MAST4: variants seen among roughly 807,000 people sequenced by gnomAD.
The protein encoded by MAST4 is microtubule-associated serine/threonine-protein kinase 4.
MAST4 carries 89 observed loss-of-function variants against 162.7 expected under a neutral mutation model. The observed-to-expected ratio is 0.55, with a 90% CI of 0.46 to 0.65. MAST4 has a LOEUF of 0.65. Among genes scored for constraint, MAST4 ranks in the 30% least tolerant of loss-of-function variants. The probability of loss-of-function intolerance (pLI) is 0.00; values close to 1 mark genes in which losing one functional copy is unlikely to be tolerated. For missense variants in MAST4, 3,153 were observed against 3,374.0 expected, an observed-to-expected ratio of 0.93 and a Z score of 1.62; for synonymous variants, 1,479 against 1,361.1, an observed-to-expected ratio of 1.09 and a Z score of -1.91.
intron 3 of MAST4, among the ~76,000 whole-genome samples, chr5:66,844,121 C>T (rs1758625342): frequency 2.1e-5 from 3 of 145,866 alleles, no homozygotes; most frequent in South Asian, 4.3e-4. Flanking sequence ...TCATCTTTAA[C>T]AGCTGGTCCC....
At chr5:66,932,517 G>A (rs562045695) in intron 4 of MAST4, among the ~76,000 whole-genome samples, 1 of 152,274 alleles carries the variant, frequency 6.6e-6, no homozygotes, top group East Asian at 1.9e-4. Context: ...AACGATATGA[G>A]ATAAACACGT....
chr5:66,632,852 A>G (rs537450296), intron 1 of MAST4, among the ~76,000 whole-genome samples: 2 of 152,234 alleles, frequency 1.3e-5, no homozygotes, highest in Non-Finnish European at 2.9e-5. Context: ...ACATATTTGT[A>G]TAGATAAAAC....
intron 3 of MAST4, among the ~76,000 whole-genome samples, chr5:66,818,838 CTT>C (rs1350534694): frequency 2.0e-5 from 3 of 152,168 alleles, no homozygotes; most frequent in Non-Finnish European, 4.4e-5. Context: ...TTAGCTCTGC[CTT>C]TTTTACTATT....
chr5:66,655,676 C>G (rs1229300127), intron 1 of MAST4, among the ~76,000 whole-genome samples: 1 of 152,152 alleles, frequency 6.6e-6, no homozygotes, highest in African/African-American at 2.4e-5. Context: ...TAGTTTCTCT[C>G]AAGTTTACAC....
At chr5:66,803,794 G>A (rs929483015) in intron 3 of MAST4, among the ~76,000 whole-genome samples, 1 of 151,912 alleles carries the variant, frequency 6.6e-6, no homozygotes, top group African/African-American at 2.4e-5. Flanking sequence ...TCCAATCTTT[G>A]TAGCTATTCT....
At chr5:66,752,168 C>T (rs558472439) in intron 1 of MAST4, among the ~76,000 whole-genome samples, 275 of 152,166 alleles carry the variant, frequency 1.8e-3, no homozygotes, top group Non-Finnish European at 2.4e-3. Context: ...AAGGAACAAC[C>T]GGTACCAGCT....
chr5:66,657,628 C>T (rs1330574209), intron 1 of MAST4, among the ~76,000 whole-genome samples: 1 of 152,152 alleles, frequency 6.6e-6, no homozygotes, highest in African/African-American at 2.4e-5. Flanking sequence ...ATGTATGGCT[C>T]TGAATGAAAG....
intron 1 of MAST4, among the ~76,000 whole-genome samples, chr5:66,664,716 A>T (rs1371077270): frequency 6.6e-6 from 1 of 151,910 alleles, no homozygotes; most frequent in Admixed American, 6.6e-5. Flanking sequence ...GAGAAGAAAA[A>T]ACCCAGAATA....
chr5:66,665,263 G>C (rs1181468637), intron 1 of MAST4, among the ~76,000 whole-genome samples: 1 of 152,208 alleles, frequency 6.6e-6, no homozygotes, highest in African/African-American at 2.4e-5. Flanking sequence ...TATGCTGATA[G>C]GAATGATCTA....
intron 3 of MAST4, among the ~76,000 whole-genome samples, chr5:66,888,945 T>G (rs1396578352): frequency 6.6e-6 from 1 of 152,228 alleles, no homozygotes; most frequent in Non-Finnish European, 1.5e-5. Flanking sequence ...AAATAAAGCT[T>G]TTGAACATTG....
At chr5:67,078,810 T>TTATCTAAA (rs1762055720) in intron 5 of MAST4, among the ~76,000 whole-genome samples, 10 of 123,334 alleles carry the variant, frequency 8.1e-5, no homozygotes, top group African/African-American at 1.6e-4. Flanking sequence ...TTATTTATAT[T>TTATCTAAA]TATATTTTTA....
At position 66,759,704 on chromosome 5, in the gene MAST4, T is replaced by C. The variant is rs751012054; in HGVS notation, c.364-5T>C. ...CCAGTGATGCCATTCTTCCTCTTTC[T>C]GCAGCTTGACCACATATTATCCCCT... On this transcript the variant is annotated splice_region_variant and splice_polypyrimidine_tract_variant and intron_variant, in intron 1 of 28. Coordinates refer to ENST00000403625, the MANE Select transcript of MAST4 (RefSeq NM_001164664.2). 15 of 1,613,710 alleles carry C rather than the reference T, an allele frequency of 9.3e-6. No individual in the cohort carries two copies. Among genetic ancestry groups the C allele is most frequent in the Middle Eastern group, 3.3e-4 (2 of 6,062 alleles).
chr5:66,856,909 T>G (rs1759728323), intron 3 of MAST4, among the ~76,000 whole-genome samples: 4 of 152,216 alleles, frequency 2.6e-5, no homozygotes, highest in Admixed American at 2.6e-4. Context: ...TAGAGAATGA[T>G]ATAACAAACA....
chr5:66,691,138 C>A (rs1176087796), intron 1 of MAST4, among the ~76,000 whole-genome samples: 1 of 152,076 alleles, frequency 6.6e-6, no homozygotes, highest in Non-Finnish European at 1.5e-5. Context: ...AATTGCTGTT[C>A]TTGTCAGTCA....
chr5:67,130,541 G>A, intron 15 of MAST4, 123 bp downstream of exon 15: 1 of 876,212 alleles, frequency 1.1e-6, no homozygotes, highest in Non-Finnish European at 1.7e-6. Context: ...GCCAGGCAAT[G>A]AAATGGCTGT....
In MAST4 at chr5:66,764,254, T is replaced by C. The variant is rs186075458; in HGVS notation, c.517+4392T>C. ...TGTTCTATGTGTCTACCTTCTTCTT[T>C]AGACCAGCAGCTACCAAAGGCATCA... On this transcript the variant is annotated intron_variant, in intron 2 of 28. Coordinates refer to ENST00000403625, the MANE Select transcript of MAST4 (RefSeq NM_001164664.2). Among the ~76,000 whole-genome samples, 404 of 152,328 alleles carry C rather than the reference T, an allele frequency of 2.7e-3. 1 individual carries two copies. The highest frequency in any genetic ancestry group is 4.4e-3 in the Non-Finnish European group (298 of 68,038).
intron 3 of MAST4, among the ~76,000 whole-genome samples, chr5:66,848,244 T>C (rs1266954410): frequency 6.6e-6 from 1 of 152,210 alleles, no homozygotes; most frequent in Non-Finnish European, 1.5e-5. Flanking sequence ...TACAAAGTTT[T>C]CTTATTCTTT....
chr5:66,722,124 G>A (rs6878085), intron 1 of MAST4, among the ~76,000 whole-genome samples: 56,790 of 151,866 alleles, frequency 0.37, 10,648 homozygotes, highest in Non-Finnish European at 0.39. Context: ...TGAGATGTCA[G>A]CCAGACCACT....
intron 4 of MAST4, among the ~76,000 whole-genome samples, chr5:66,926,980 G>T (rs1299426149): frequency 6.6e-6 from 1 of 152,118 alleles, no homozygotes; most frequent in African/African-American, 2.4e-5. Flanking sequence ...ATCAAGTTGG[G>T]TAGTGAATAT....
Sources: allele counts gnomAD v4.1 joint callset (sites outside exome capture counted in the v4.1 genomes callset), GRCh38; gene constraint gnomAD v4.1.1; transcripts MANE v1.5; gene names NCBI Gene and HGNC (gene_info 2026-07-23, HGNC 2026-07-21).